The following TUBGCP3 variants were observed in gnomAD, a reference collection of about 807,000 sequenced individuals.
The protein encoded by TUBGCP3 is gamma-tubulin complex component 3.
A neutral mutation model predicts 123.1 loss-of-function variants in TUBGCP3; 50 were observed. The observed-to-expected ratio is 0.41, with a 90% confidence interval of 0.32 to 0.51. The LOEUF is 0.51. Ranked by LOEUF, TUBGCP3 falls within the 20% of genes least tolerant of loss-of-function variation. TUBGCP3 has a pLI of 0.36. For synonymous variants in TUBGCP3, 405 were observed against 413.9 expected, an observed-to-expected ratio of 0.98 and a Z score of 0.26; for missense variants, 882 against 1,127.0, an observed-to-expected ratio of 0.78 and a Z score of 3.11.
rs1404023917 is a variant in TUBGCP3, at chr13:112,556,058, T to A, written c.715A>T (p.Thr239Ser). 6.2e-7 allele frequency: 1 copy of A among 1,613,312 alleles called. No homozygotes were observed. Among genetic ancestry groups the A allele is most frequent in the African/African-American group, 1.3e-5 (1 of 75,042 alleles). Residue 239 changes from threonine (T) to serine (S), a missense_variant, in exon 6 of 22, where the codon ACG becomes TCG. Physicochemically the swap from Thr to Ser is moderately conservative, Grantham distance 58. Around this residue, in one of 3 missense-constraint regions of TUBGCP3, gnomAD observed 713 missense variants for 874.0 expected, o/e 0.82. Transcript: ENST00000261965. ...NMTRSRREGDTGGTMEITEAA... is the reference protein window; with the variant it reads ...NMTRSRREGDSGGTMEITEAA... ...AACATAGATCCTTACTCACCACCCGTATCCCCTTCTCTCCTGGACCTTGTC... is the reference window on the plus strand; with the variant it reads ...AACATAGATCCTTACTCACCACCCGAATCCCCTTCTCTCCTGGACCTTGTC...
At chr13:112,601,676 A>G in the TUBGCP3 span, among the ~76,000 whole-genome samples, 7 of 152,146 alleles carry the variant, frequency 4.6e-5, no homozygotes, top group African/African-American at 1.7e-4. Flanking sequence ...ACTCATCCCC[A>G]GCCATGTGAG....
At chr13:112,601,696 G>A in the TUBGCP3 span, among the ~76,000 whole-genome samples, 9 of 152,274 alleles carry the variant, frequency 5.9e-5, no homozygotes, top group African/African-American at 1.7e-4. Flanking sequence ...GGTGAGCTCC[G>A]TGTCCCCCCT....
chr13:112,571,264 G>A (rs1341067582), intron 1 of TUBGCP3, among the ~76,000 whole-genome samples: 1 of 152,174 alleles, frequency 6.6e-6, no homozygotes, highest in Non-Finnish European at 1.5e-5. Flanking sequence ...CTTATAAAAT[G>A]TGTTTCTCAA....
In TUBGCP3 at chr13:112,548,175, C is replaced by T; in HGVS notation, c.968G>A (p.Ser323Asn). The T allele has an allele frequency of 6.2e-7, 1 of 1,600,710 alleles. No individual in the cohort carries two copies. Among genetic ancestry groups the T allele is most frequent in the Non-Finnish European group, 8.5e-7 (1 of 1,172,128 alleles). ...TTCCTGGTGCAAGGCAGCACAAAAG[C>T]TCTGTTTGGAGGAGAAATATAATTA... ...LDRSFGLVGQ[S>N]FCAALHQELR... The change falls in exon 9 of 22, where the codon AGC becomes AAC. Residue 323 changes from serine (S) to asparagine (N), a missense_variant and splice_region_variant. By Grantham distance (46) the Ser-to-Asn change is conservative. Transcript: ENST00000261965.
chr13:112,527,469 C>G lies in TUBGCP3; in HGVS notation c.1351G>C (p.Asp451His). Reference protein sequence around the residue: ...DTYHEFFVASDPTVKTDRLWH... With the variant: ...DTYHEFFVASHPTVKTDRLWH... ...AGTCGATCTGTTTTAACTGTTGGAT[C>G]TGATGCTACAAAAAACTGAAAGCAA... is the stretch of plus-strand genomic sequence containing the variant. The change falls in exon 12 of 22, where the codon GAT becomes CAT. Residue 451 changes from aspartate (D) to histidine (H), a missense_variant. Physicochemically the swap from Asp to His is moderately conservative, Grantham distance 81. Transcript: ENST00000261965. 1 of 1,612,732 alleles carries G rather than the reference C, an allele frequency of 6.2e-7. No homozygotes were observed. Among genetic ancestry groups the G allele is most frequent in the Non-Finnish European group, 8.5e-7 (1 of 1,179,448 alleles).
intron 13 of TUBGCP3, among the ~76,000 whole-genome samples, chr13:112,522,889 T>C (rs1470524129): frequency 2.0e-5 from 3 of 152,192 alleles, no homozygotes; most frequent in African/African-American, 4.8e-5. Context: ...AAACAGCACA[T>C]GCAAATAAGC....
chr13:112,517,685 G>A (rs959467413), intron 16 of TUBGCP3, among the ~76,000 whole-genome samples: 1 of 152,182 alleles, frequency 6.6e-6, no homozygotes, highest in African/African-American at 2.4e-5. Flanking sequence ...GAGGTCAGGA[G>A]TTTGAGACCA....
the TUBGCP3 span, among the ~76,000 whole-genome samples, chr13:112,598,268 T>C: frequency 2.0e-5 from 3 of 151,748 alleles, no homozygotes; most frequent in Non-Finnish European, 4.4e-5. Context: ...GAAAAAGATT[T>C]ACCACCAGCA....
chr13:112,542,963 C>A (rs779946372), intron 11 of TUBGCP3, among the ~76,000 whole-genome samples: 4 of 152,116 alleles, frequency 2.6e-5, no homozygotes, highest in Non-Finnish European at 5.9e-5. Context: ...GCCTGGGCAA[C>A]AAAGTGAAAC....
chr13:112,598,045 A>G, the TUBGCP3 span, among the ~76,000 whole-genome samples: 2 of 152,208 alleles, frequency 1.3e-5, no homozygotes, highest in African/African-American at 4.8e-5. Context: ...AGACAGTCTT[A>G]ATAGCCAGAG....
intron 8 of TUBGCP3, among the ~76,000 whole-genome samples, chr13:112,553,705 G>A (rs57197177): frequency 0.08 from 12,164 of 152,236 alleles, 1,206 homozygotes; most frequent in African/African-American, 0.22. Context: ...GGCAGGCCCC[G>A]TCCCAGCAGG....
chr13:112,511,282 G>T lies in TUBGCP3; in HGVS notation c.2086+5158C>A, dbSNP rs143694228. Among the ~76,000 whole-genome samples the T allele has an allele frequency of 3.0e-3, 458 of 152,238 alleles. 5 individuals are homozygous for T. Among genetic ancestry groups the T allele is most frequent in the African/African-American group, 0.01 (425 of 41,544 alleles). On this transcript the variant is annotated intron_variant, in intron 17 of 21. Coordinates refer to ENST00000261965, the MANE Select transcript of TUBGCP3 (RefSeq NM_006322.6). This position sits in a 1 kb window ranked among gnomAD's most constrained non-coding sequence, Gnocchi z 4.1. ...TGGCCCGCGGGCACCTGCCTTTCCT[G>T]GTAAGATAAAATCTGCGGTGCTGCT...
chr13:112,565,934 C>CAA (rs201734900), intron 2 of TUBGCP3, among the ~76,000 whole-genome samples: 1 of 111,372 alleles, frequency 9.0e-6, no homozygotes. Context: ...GACTCTGTCT[C>CAA]AAAAAAAAAA....
intron 11 of TUBGCP3, among the ~76,000 whole-genome samples, chr13:112,529,938 T>C (rs1877444122): frequency 6.6e-6 from 1 of 152,194 alleles, no homozygotes; most frequent in South Asian, 2.1e-4. Context: ...TAGCAAAATG[T>C]AATGGTCAAA....
intron 11 of TUBGCP3, among the ~76,000 whole-genome samples, chr13:112,539,058 A>G (rs1043651038): frequency 1.3e-5 from 2 of 152,216 alleles, no homozygotes; most frequent in African/African-American, 4.8e-5. Flanking sequence ...GAGAACTACA[A>G]ACAAATCAGA....
chr13:112,574,754 T>C (rs1001563005), intron 1 of TUBGCP3, among the ~76,000 whole-genome samples: 8 of 152,216 alleles, frequency 5.3e-5, no homozygotes, highest in Admixed American at 3.3e-4. Flanking sequence ...AGACTGGGTA[T>C]GAAACTGATG....
In TUBGCP3 at chr13:112,504,611, A is replaced by G. The variant is rs1166597788; in HGVS notation, c.2175+15T>C. 1.9e-6 allele frequency: 3 copies of G among 1,608,402 alleles called. No homozygotes were observed. The highest frequency in any genetic ancestry group is 2.6e-6 in the Non-Finnish European group (3 of 1,175,608). ...ACTTATTTAAACTAAAATCAACACA[A>G]TGACTGAAGTGTACCTCAAATGTGA... On this transcript the variant is annotated intron_variant, in intron 18 of 21. Coordinates refer to ENST00000261965, the MANE Select transcript of TUBGCP3 (RefSeq NM_006322.6).
At chr13:112,529,159 C>T (rs557860061) in intron 11 of TUBGCP3, among the ~76,000 whole-genome samples, 2 of 152,268 alleles carry the variant, frequency 1.3e-5, no homozygotes, top group East Asian at 3.9e-4. Context: ...GGCCTATTAC[C>T]TAGATCTTTA....
chr13:112,503,133 T>A (rs1382181769), intron 19 of TUBGCP3, among the ~76,000 whole-genome samples: 3 of 152,098 alleles, frequency 2.0e-5, no homozygotes, highest in African/African-American at 7.2e-5. Context: ...GTCGGAAACA[T>A]CCGTGAAGTC....
Sources: allele counts gnomAD v4.1 joint callset (sites outside exome capture counted in the v4.1 genomes callset), GRCh38; gene constraint gnomAD v4.1.1; regional missense constraint gnomAD v4.1.1; non-coding constraint Gnocchi (gnomAD v3.1); transcripts MANE v1.5; gene names NCBI Gene and HGNC (gene_info 2026-07-23, HGNC 2026-07-21).